Variants in FANK1 observed in about 807,000 individuals in gnomAD.
FANK1 encodes fibronectin type 3 and ankyrin repeat domains protein 1.
A neutral mutation model predicts 45.3 loss-of-function variants in FANK1; 44 were observed. That is an observed-to-expected ratio of 0.97 (90% CI 0.76 to 1.25). FANK1 has a LOEUF of 1.25. Among genes scored for constraint, FANK1 ranks in the 50% most tolerant of loss-of-function variants. FANK1 has a pLI of 0.00. For synonymous variants in FANK1, 149 were observed against 152.5 expected, an observed-to-expected ratio of 0.98 and a Z score of 0.17; for missense variants, 391 against 424.4, an observed-to-expected ratio of 0.92 and a Z score of 0.69.
At chr10:125,950,510 G>A (rs1007029076) in intron 1 of FANK1, among the ~76,000 whole-genome samples, 16 of 152,008 alleles carry the variant, frequency 1.1e-4, no homozygotes, top group African/African-American at 3.1e-4. Context: ...AAAAACACAT[G>A]AAAAAATGCT....
intron 1 of FANK1, among the ~76,000 whole-genome samples, chr10:125,923,471 A>T (rs75890128): frequency 2.0e-4 from 29 of 147,458 alleles, no homozygotes; most frequent in South Asian, 1.1e-3. Flanking sequence ...AAAAAAAAAA[A>T]ATTTTTTTCA....
intron 2 of FANK1, among the ~76,000 whole-genome samples, chr10:125,981,208 A>G (rs1318187510): frequency 2.6e-5 from 4 of 152,188 alleles, no homozygotes; most frequent in Admixed American, 2.0e-4. Context: ...CACCAGGAGT[A>G]ATGAAGAAGT....
In FANK1 at chr10:125,949,090, A is replaced by G. The variant is rs558282279; in HGVS notation, c.14-31071A>G. ...ACAACCCTTCATGCTAAAAACTCTC[A>G]ATAAATTAGGTATTGATGGGATGTA... On this transcript the variant is annotated intron_variant, in intron 1 of 10. Coordinates refer to ENST00000368693, the MANE Select transcript of FANK1 (RefSeq NM_145235.5). 7.2e-5 allele frequency among the ~76,000 whole-genome samples: 11 copies of G among 151,932 alleles called. No individual in the cohort carries two copies. In the East Asian group the frequency reaches 2.1e-3, roughly 29 times the overall value.
chr10:125,989,958 C>T (rs1951815710), intron 3 of FANK1, among the ~76,000 whole-genome samples: 1 of 152,206 alleles, frequency 6.6e-6, no homozygotes, highest in Non-Finnish European at 1.5e-5. Context: ...GCTGTCCCCA[C>T]CGCCCACAGG....
chr10:125,999,095 T>C (rs1049984103), intron 6 of FANK1, among the ~76,000 whole-genome samples: 1 of 152,254 alleles, frequency 6.6e-6, no homozygotes, highest in Non-Finnish European at 1.5e-5. Context: ...TAGGAAATTT[T>C]TTAACGTAAC....
intron 1 of FANK1, among the ~76,000 whole-genome samples, chr10:125,937,577 A>G (rs183029418): frequency 2.0e-5 from 3 of 152,324 alleles, no homozygotes; most frequent in African/African-American, 4.8e-5. Context: ...GGAATAAACT[A>G]TGGTATGGAC....
At chr10:125,941,744 T>G (rs1589957210) in intron 1 of FANK1, among the ~76,000 whole-genome samples, 2 of 152,258 alleles carry the variant, frequency 1.3e-5, no homozygotes, top group East Asian at 3.8e-4. Context: ...CACAACTTGA[T>G]ATATCCCAGT....
intron 3 of FANK1, 77 bp from the exon 4 acceptor site, chr10:125,995,340 G>A (rs1204422233): frequency 2.2e-6 from 3 of 1,342,826 alleles, no homozygotes; most frequent in African/African-American, 1.4e-5. Context: ...TCCCCTGAAG[G>A]CCACAGGAGG....
chr10:125,945,662 C>T (rs942989586), intron 1 of FANK1, among the ~76,000 whole-genome samples: 13 of 152,172 alleles, frequency 8.5e-5, no homozygotes, highest in East Asian at 1.9e-4. Flanking sequence ...AAGGCGGCAG[C>T]GAGGCTGGGG....
intron 3 of FANK1, chr10:125,989,428 A>T: frequency 6.9e-7 from 1 of 1,445,752 alleles, no homozygotes; most frequent in Non-Finnish European, 9.5e-7. Context: ...GTTTTATTCC[A>T]GGTAGCATTT....
At chr10:125,946,908 G>A (rs527413329) in intron 1 of FANK1, among the ~76,000 whole-genome samples, 2,933 of 147,776 alleles carry the variant, frequency 0.02, 88 homozygotes, top group African/African-American at 0.069. Context: ...GACTAACAGC[G>A]GATCTCTGGG....
intron 1 of FANK1, among the ~76,000 whole-genome samples, chr10:125,978,770 G>C (rs2134199601): frequency 6.6e-6 from 1 of 152,334 alleles, no homozygotes; most frequent in Admixed American, 6.5e-5. Context: ...GCCGCTACTG[G>C]TAGCTGGCTG....
chr10:125,966,341 C>A (rs753769954), intron 1 of FANK1, among the ~76,000 whole-genome samples: 9 of 152,070 alleles, frequency 5.9e-5, no homozygotes, highest in Non-Finnish European at 1.2e-4. Context: ...GCCTCTTTAT[C>A]CCGAGACCTC....
intron 1 of FANK1, among the ~76,000 whole-genome samples, chr10:125,931,698 AG>A (rs1947762913): frequency 6.6e-6 from 1 of 152,122 alleles, no homozygotes; most frequent in African/African-American, 2.4e-5. Flanking sequence ...GCCATGCAAA[AG>A]CTCATTAGTT....
chr10:125,962,415 T>C (rs2134180241), intron 1 of FANK1, among the ~76,000 whole-genome samples: 1 of 152,310 alleles, frequency 6.6e-6, no homozygotes, highest in Non-Finnish European at 1.5e-5. Flanking sequence ...ATTTTGTTTC[T>C]TGTTTCTCGT....
intron 1 of FANK1, among the ~76,000 whole-genome samples, chr10:125,957,737 C>A (rs1949670740): frequency 6.6e-6 from 1 of 152,034 alleles, no homozygotes. Context: ...GTTGTCCATG[C>A]TGGTCGCAAA....
At chr10:125,952,160 C>G (rs369221240) in intron 1 of FANK1, among the ~76,000 whole-genome samples, 6 of 151,258 alleles carry the variant, frequency 4.0e-5, no homozygotes, top group African/African-American at 1.2e-4. Context: ...TCCTACAAAC[C>G]CAGGAATTTT....
intron 1 of FANK1, among the ~76,000 whole-genome samples, chr10:125,918,585 A>AAAAAATATATATAT (rs1554913277): frequency 2.8e-4 from 20 of 70,960 alleles, no homozygotes; most frequent in East Asian, 4.6e-4. Context: ...AAAAAAAAAA[A>AAAAAATATATATAT]ATATATATAT....
intron 6 of FANK1, among the ~76,000 whole-genome samples, chr10:126,001,856 A>T (rs2134226529): frequency 1.3e-5 from 2 of 152,274 alleles, no homozygotes; most frequent in Middle Eastern, 6.8e-3. Context: ...TTGTTAAAAT[A>T]ATCCAGGATT....
Sources: gnomAD v4.1 joint callset for allele counts (sites outside exome capture counted in the v4.1 genomes callset) on GRCh38, gnomAD v4.1.1 for gene constraint, MANE v1.5 for transcripts, NCBI Gene and HGNC (gene_info 2026-07-23, HGNC 2026-07-21) for gene names.